Variants in AXIN2 observed in about 807,000 individuals in gnomAD.
The protein encoded by AXIN2 is axin-2.
Under a neutral mutation model 74.7 loss-of-function variants are expected in AXIN2, and 21 were observed. That is an observed-to-expected ratio of 0.28 (90% CI 0.20 to 0.40). AXIN2 has a LOEUF of 0.40. Ranked by LOEUF, AXIN2 falls within the 10% of genes least tolerant of loss-of-function variation. The pLI is 1.00. For synonymous variants in AXIN2, 532 were observed against 454.9 expected, an observed-to-expected ratio of 1.17 and a Z score of -2.16; for missense variants, 1,144 against 1,111.1, an observed-to-expected ratio of 1.03 and a Z score of -0.42.
chr17:65,537,103 G>A (rs1671573708), intron 6 of AXIN2, 40 bp from the exon 7 acceptor site: 1 of 1,586,080 alleles, frequency 6.3e-7, no homozygotes, highest in South Asian at 1.1e-5. Context: ...CAGAGACCCG[G>A]TTAAATCTCC....
chr17:65,537,366 C>T lies in AXIN2; in HGVS notation c.1670G>A (p.Ser557Asn). The change falls in exon 6 of 11, where the codon AGC becomes AAC. Residue 557 changes from serine (S) to asparagine (N), a missense_variant. This residue lies in a region of AXIN2 where 1,053 missense variants were observed against 973.5 expected (regional missense o/e 1.08). Transcript: ENST00000307078. The part of the protein sequence containing the change: ...SEYYCYSKCK[S>N]HSKAPETMPS... ...CATGGTTTCCGGAGCCTTGGAGTGGCTTTTGCATTTCGAGTAGCAGTAATA... is the reference window on the plus strand; with the variant it reads ...CATGGTTTCCGGAGCCTTGGAGTGGTTTTTGCATTTCGAGTAGCAGTAATA... 6.2e-7 allele frequency: 1 copy of T among 1,614,138 alleles called. No homozygotes were observed. Among genetic ancestry groups the T allele is most frequent in the East Asian group, 2.2e-5 (1 of 44,828 alleles).
Position 65,557,808 on chromosome 17 carries a change from G to T in AXIN2, c.813C>A (p.Tyr271Ter), listed in dbSNP as rs770848938. 1 of 1,614,122 alleles carries T rather than the reference G, an allele frequency of 6.2e-7. No individual in the cohort carries two copies. Among genetic ancestry groups the T allele is most frequent in the Non-Finnish European group, 8.5e-7 (1 of 1,180,010 alleles). Reference sequence around the variant, plus strand: ...ACCCGCCCCCGTCAAAGTCTTACCTGTATCCACTGTCAACAGTTTCCGTGG... The same window carrying T: ...ACCCGCCCCCGTCAAAGTCTTACCTTTATCCACTGTCAACAGTTTCCGTGG... ...VRSTETVDSG[Y>*]RSFKRSDPVN... The change falls in exon 2 of 11, where the codon TAC (tyrosine) becomes TAA (stop). Residue 271 changes from tyrosine to a stop codon, truncating the protein, a stop_gained and splice_region_variant. Coordinates refer to ENST00000307078, the MANE Select transcript of AXIN2 (RefSeq NM_004655.4). LOFTEE classifies it high-confidence loss of function.
At chr17:65,553,754 G>T (rs1431182260) in intron 2 of AXIN2, among the ~76,000 whole-genome samples, 1 of 149,798 alleles carries the variant, frequency 6.7e-6, no homozygotes, top group Non-Finnish European at 1.5e-5. Context: ...GCAGAGACTC[G>T]GTATTTCAGA....
At chr17:65,530,197 G>A in intron 10 of AXIN2, 95 bp from the exon 11 acceptor site, 3 of 1,550,902 alleles carry the variant, frequency 1.9e-6, no homozygotes, top group Non-Finnish European at 2.6e-6. Flanking sequence ...AGGTATCCTA[G>A]GAATTTGCTA....
At chr17:65,551,589 C>T (rs982366130) in intron 2 of AXIN2, among the ~76,000 whole-genome samples, 2 of 152,116 alleles carry the variant, frequency 1.3e-5, no homozygotes, top group African/African-American at 4.8e-5. Context: ...GAAGCCACCG[C>T]CACAATTTGG....
At chr17:65,556,569 C>T (rs1055142277) in intron 2 of AXIN2, among the ~76,000 whole-genome samples, 2 of 152,170 alleles carry the variant, frequency 1.3e-5, no homozygotes, top group African/African-American at 4.8e-5. Flanking sequence ...AAGCCACAAG[C>T]GCGCCCCCTG....
rs1064795553 is a variant in AXIN2, at chr17:65,558,738, T to A, written c.-116-2A>T. On this transcript the variant is annotated splice_acceptor_variant, in intron 1 of 10. Transcript: ENST00000307078. LOFTEE classifies it low-confidence loss of function (5UTR_SPLICE). ...CAGGGGCTCATCTGAACCTCCTCTC[T>A]GGAAAGAAAAGGAAGGGGGGAGGTG... 3 of 1,083,622 alleles carry A rather than the reference T, an allele frequency of 2.8e-6. No homozygotes were observed. The highest frequency in any genetic ancestry group is 4.1e-6 in the Non-Finnish European group (3 of 736,480). The allele number at this position is 1,083,622 out of a possible 1,614,324, so 67.1% of individuals were successfully genotyped here. A position where few individuals can be genotyped will look rare whatever the true frequency, so the allele number is the denominator to read the frequency against.
rs1264328427 is a variant in AXIN2 at position 65,544,613 on chromosome 17, A to G, written c.957-3056T>C. Among the ~76,000 whole-genome samples the G allele has an allele frequency of 2.6e-5, 4 of 152,186 alleles. No individual in the cohort carries two copies. In the East Asian group the frequency reaches 5.8e-4, roughly 22 times the overall value. On this transcript the variant is annotated intron_variant, in intron 3 of 10. Transcript: ENST00000307078. Reference sequence around the variant, plus strand: ...GCCTCTCTTCTTTTATTCAAGCTCTAAAAGTCTGTGATCAGTTTCCTGGCT... The same window carrying G: ...GCCTCTCTTCTTTTATTCAAGCTCTGAAAGTCTGTGATCAGTTTCCTGGCT...
At chr17:65,534,967 A>T (rs1027040837) in intron 9 of AXIN2, among the ~76,000 whole-genome samples, 4 of 152,148 alleles carry the variant, frequency 2.6e-5, no homozygotes, top group Non-Finnish European at 5.9e-5. Flanking sequence ...AGACCCAGAG[A>T]GCTGGTACAC....
rs1286443394 is a variant in AXIN2, at chr17:65,535,622, T to C, written c.2237+4A>G. 1 of 1,613,478 alleles carries C rather than the reference T, an allele frequency of 6.2e-7. No homozygotes were observed. Among genetic ancestry groups the C allele is most frequent in the East Asian group, 2.2e-5 (1 of 44,890 alleles). On this transcript the variant is annotated splice_donor_region_variant and intron_variant, in intron 9 of 10. Coordinates refer to ENST00000307078, the MANE Select transcript of AXIN2 (RefSeq NM_004655.4). ...TCTCAGTAATGTCAGGTAAAGACAC[T>C]CACTCTTCTGGAGCCAGGCTTGGAT... is the stretch of plus-strand genomic sequence containing the variant.
chr17:65,539,495 C>T (rs1053726506), intron 4 of AXIN2, among the ~76,000 whole-genome samples: 4 of 152,068 alleles, frequency 2.6e-5, no homozygotes, highest in Non-Finnish European at 4.4e-5. Flanking sequence ...CAAGCTTGGG[C>T]GATAGAACTT....
At position 65,561,504 on chromosome 17, in the gene AXIN2, C is replaced by T. The variant is rs1301069387; in HGVS notation, c.-171G>A. On this transcript the variant is annotated 5_prime_UTR_variant, in exon 1 of 11. The change abolishes an upstream ATG in the 5' untranslated region. Coordinates refer to ENST00000307078, the MANE Select transcript of AXIN2 (RefSeq NM_004655.4). ...TCGGCCGCCGGGCGGCCCCGAAATC[C>T]ATCGCTCTGAGGGGTTATTTTTATT... 4.0e-5 allele frequency: 6 copies of T among 150,588 alleles called. No homozygotes were observed. The East Asian group carries it at 1.2e-3, about 29-fold the overall frequency. 9.3% of individuals were successfully genotyped at this position (150,588 alleles called of 1,614,324 possible).
At chr17:65,547,474 C>T (rs943916448) in intron 3 of AXIN2, among the ~76,000 whole-genome samples, 2 of 152,150 alleles carry the variant, frequency 1.3e-5, no homozygotes, top group Non-Finnish European at 2.9e-5. Flanking sequence ...CAAGTATCTG[C>T]CTGCCTGCCT....
Position 65,537,655 on chromosome 17 carries a change from T to C in AXIN2, c.1381A>G (p.Ser461Gly). ...TGGTCCGGGGAGCGGGAGCGGGGGC[T>C]ATAGCGGCCTACGCCTGGAGACTGG... Reference protein sequence around the residue: ...GCQSPGVGRYSPRSRSPDHHH... With the variant: ...GCQSPGVGRYGPRSRSPDHHH... The change falls in exon 6 of 11, where the codon AGC (serine) becomes GGC (glycine). Residue 461 changes from serine to glycine, a missense_variant. Ser to Gly is a moderately conservative substitution (Grantham distance 56, BLOSUM62 0). Coordinates refer to ENST00000307078, the MANE Select transcript of AXIN2 (RefSeq NM_004655.4). 1 of 1,567,472 alleles carries C rather than the reference T, an allele frequency of 6.4e-7. No individual in the cohort carries two copies. Among genetic ancestry groups the C allele is most frequent in the Non-Finnish European group, 8.6e-7 (1 of 1,158,592 alleles).
intron 2 of AXIN2, among the ~76,000 whole-genome samples, chr17:65,551,802 CCTTGT>C (rs1567764658): frequency 2.0e-5 from 3 of 152,330 alleles, no homozygotes; most frequent in Non-Finnish European, 2.9e-5. Flanking sequence ...GGGCCAAAGG[CCTTGT>C]CAGACTTGGC....
intron 3 of AXIN2, among the ~76,000 whole-genome samples, chr17:65,546,895 A>G (rs996134338): frequency 3.3e-5 from 5 of 152,200 alleles, no homozygotes; most frequent in African/African-American, 1.2e-4. Context: ...AGGAACCCAA[A>G]GGTATCTACT....
rs368210829 is a variant in AXIN2 at position 65,556,176 on chromosome 17, G to A, written c.815+1630C>T. On this transcript the variant is annotated intron_variant, in intron 2 of 10. Coordinates refer to ENST00000307078, the MANE Select transcript of AXIN2 (RefSeq NM_004655.4). Reference sequence around the variant, plus strand: ...CAGCAGAGCCCTGCCTGGGGAGGGCGTCCAAAACCACACACTGTGCTATTT... The same window carrying A: ...CAGCAGAGCCCTGCCTGGGGAGGGCATCCAAAACCACACACTGTGCTATTT... 1.7e-3 allele frequency among the ~76,000 whole-genome samples: 262 copies of A among 152,270 alleles called. 2 individuals carry two copies. Among genetic ancestry groups the A allele is most frequent in the African/African-American group, 5.7e-3 (238 of 41,562 alleles).
intron 2 of AXIN2, among the ~76,000 whole-genome samples, chr17:65,553,403 A>G (rs1161896346): frequency 6.6e-6 from 1 of 152,198 alleles, no homozygotes; most frequent in African/African-American, 2.4e-5. Flanking sequence ...CAGTCCTGCT[A>G]TCTTGGTGGT....
In AXIN2 at chr17:65,558,303, A is replaced by G. The variant is rs2144588079; in HGVS notation, c.318T>C (p.Asp106=). 6.2e-7 allele frequency: 1 copy of G among 1,614,198 alleles called. No individual in the cohort carries two copies. Among genetic ancestry groups the G allele is most frequent in the African/African-American group, 1.3e-5 (1 of 75,050 alleles). The change falls in exon 2 of 11, where the codon GAT becomes GAC. Residue 106 remains aspartate, a synonymous_variant. Coordinates refer to ENST00000307078, the MANE Select transcript of AXIN2 (RefSeq NM_004655.4). Reference sequence around the variant, plus strand: ...TGCAGGCAAACCAGAAGTCTAAGGTATCCACGCATTTCTCCCTCTCCAGGA... The same window carrying G: ...TGCAGGCAAACCAGAAGTCTAAGGTGTCCACGCATTTCTCCCTCTCCAGGA... The part of the protein sequence containing the change: ...RTFLEREKCV[D]TLDFWFACNG...
Sources: gnomAD v4.1 joint callset for allele counts (sites outside exome capture counted in the v4.1 genomes callset) on GRCh38, gnomAD v4.1.1 for gene constraint, gnomAD v4.1.1 regional missense constraint, MANE v1.5 for transcripts, NCBI Gene and HGNC (gene_info 2026-07-23, HGNC 2026-07-21) for gene names.